The following UBE2E3 variants were observed in gnomAD, a reference collection of about 807,000 sequenced individuals.
UBE2E3 encodes the protein ubiquitin-conjugating enzyme E2 E3.
In UBE2E3, 5 loss-of-function variants were observed where a neutral mutation model predicts 23.6. The ratio of observed to expected loss-of-function variants is 0.21; its 90% confidence interval spans 0.11 to 0.44. UBE2E3 has a LOEUF of 0.44. Among genes scored for constraint, UBE2E3 ranks in the 20% least tolerant of loss-of-function variants. The pLI is 0.99. For missense variants in UBE2E3, 81 were observed against 249.8 expected (o/e 0.32, Z 4.55); for synonymous variants, 78 against 87.5 (o/e 0.89, Z 0.60).
intron 2 of UBE2E3, among the ~76,000 whole-genome samples, chr2:180,983,408 C>T (rs935166690): frequency 6.6e-6 from 1 of 152,158 alleles, no homozygotes; most frequent in African/African-American, 2.4e-5. Flanking sequence ...CAGAGAACTG[C>T]TTTTCTCCCC....
chr2:181,006,217 G>A (rs1685143028), intron 3 of UBE2E3, among the ~76,000 whole-genome samples: 1 of 152,088 alleles, frequency 6.6e-6, no homozygotes, highest in Admixed American at 6.6e-5. Context: ...CTAGAATTGA[G>A]CACAAATAGT....
intron 3 of UBE2E3, among the ~76,000 whole-genome samples, chr2:181,022,323 G>T (rs1204558311): frequency 1.3e-5 from 2 of 151,722 alleles, no homozygotes; most frequent in Admixed American, 1.3e-4. Flanking sequence ...AAACACAGTT[G>T]ATTTTCATTA....
At chr2:181,021,608 CTTCCTCCCTCT>C in intron 3 of UBE2E3, among the ~76,000 whole-genome samples, 2 of 99,742 alleles carry the variant, frequency 2.0e-5, no homozygotes, top group African/African-American at 3.5e-5. Flanking sequence ...CCCTTCCTTC[CTTCCTCCCTCT>C]CTCCCTCCCT....
intron 1 of UBE2E3, chr2:180,981,416 G>A (rs1475527822): frequency 1.3e-5 from 2 of 152,238 alleles, no homozygotes; most frequent in African/African-American, 4.8e-5. Context: ...TTCCCAGGGT[G>A]GCAGCTCGGT....
At chr2:181,015,629 TA>T (rs1685462269) in intron 3 of UBE2E3, among the ~76,000 whole-genome samples, 1 of 152,160 alleles carries the variant, frequency 6.6e-6, no homozygotes, top group Non-Finnish European at 1.5e-5. Context: ...TTAAATTTTT[TA>T]TAATAACAGA....
At chr2:180,987,769 G>T (rs192233352) in intron 3 of UBE2E3, among the ~76,000 whole-genome samples, 1 of 152,082 alleles carries the variant, frequency 6.6e-6, no homozygotes, top group Non-Finnish European at 1.5e-5. Flanking sequence ...TCTGAGGGTT[G>T]CTACCACTTT....
chr2:181,050,712 A>G (rs1165519619), intron 3 of UBE2E3, among the ~76,000 whole-genome samples: 1 of 151,862 alleles, frequency 6.6e-6, no homozygotes, highest in Non-Finnish European at 1.5e-5. Context: ...TAGGCAAGTC[A>G]CTTAACCTTT....
intron 2 of UBE2E3, among the ~76,000 whole-genome samples, chr2:180,982,955 CAT>C (rs1251554476): frequency 1.3e-5 from 2 of 152,036 alleles, no homozygotes; most frequent in East Asian, 1.9e-4. Context: ...GCAGGAGAAA[CAT>C]ATTTAATTGG....
intron 3 of UBE2E3, among the ~76,000 whole-genome samples, chr2:181,004,992 C>CA (rs1685105573): frequency 6.6e-6 from 1 of 152,196 alleles, no homozygotes; most frequent in South Asian, 2.1e-4. Flanking sequence ...GCCTATAAGA[C>CA]AAACTCAGCA....
intron 3 of UBE2E3, among the ~76,000 whole-genome samples, chr2:181,031,142 T>G (rs146257566): frequency 2.0e-5 from 3 of 152,308 alleles, no homozygotes; most frequent in Admixed American, 1.3e-4. Context: ...TTAAAAAATT[T>G]GTTAAAAATT....
At chr2:181,012,207 A>G (rs17668125) in intron 3 of UBE2E3, among the ~76,000 whole-genome samples, 35,317 of 152,062 alleles carry the variant, frequency 0.23, 4,468 homozygotes, top group Non-Finnish European at 0.28. Context: ...TACTACATTA[A>G]CAACACTGAT....
At chr2:181,024,254 A>C (rs747719678) in intron 3 of UBE2E3, among the ~76,000 whole-genome samples, 1 of 152,168 alleles carries the variant, frequency 6.6e-6, no homozygotes, top group East Asian at 1.9e-4. Context: ...AATGATTGAC[A>C]CTTTATGTGA....
At chr2:180,988,274 A>G (rs1261007965) in intron 3 of UBE2E3, among the ~76,000 whole-genome samples, 1 of 152,112 alleles carries the variant, frequency 6.6e-6, no homozygotes, top group Non-Finnish European at 1.5e-5. Context: ...CATCTTATGT[A>G]ATTTTATCTT....
intron 3 of UBE2E3, among the ~76,000 whole-genome samples, chr2:181,051,770 C>T (rs549298420): frequency 1.3e-5 from 2 of 151,910 alleles, no homozygotes; most frequent in African/African-American, 4.8e-5. Context: ...AATACTTAGT[C>T]CAACCTAATG....
intron 3 of UBE2E3, among the ~76,000 whole-genome samples, chr2:181,040,721 A>T (rs1404336117): frequency 6.6e-6 from 1 of 152,188 alleles, no homozygotes; most frequent in Non-Finnish European, 1.5e-5. Context: ...TGACAAAGGA[A>T]ATCACTTTTT....
intron 3 of UBE2E3, among the ~76,000 whole-genome samples, chr2:181,045,670 G>T (rs903406730): frequency 1.3e-5 from 2 of 152,114 alleles, no homozygotes; most frequent in South Asian, 2.1e-4. Flanking sequence ...AACTCCACAG[G>T]TGATTACATT....
At chr2:181,027,468 C>A (rs1452662928) in intron 3 of UBE2E3, among the ~76,000 whole-genome samples, 1 of 151,496 alleles carries the variant, frequency 6.6e-6, no homozygotes, top group Non-Finnish European at 1.5e-5. Context: ...TAAAAAGATC[C>A]CAGGAATTCT....
At chr2:180,991,727 T>G (rs1244840690) in intron 3 of UBE2E3, among the ~76,000 whole-genome samples, 2 of 152,218 alleles carry the variant, frequency 1.3e-5, no homozygotes, top group Admixed American at 6.5e-5. Context: ...GTTCTGCTGC[T>G]GCTGCTGTGG....
At chr2:181,019,737 G>A (rs1685613412) in intron 3 of UBE2E3, among the ~76,000 whole-genome samples, 1 of 151,868 alleles carries the variant, frequency 6.6e-6, no homozygotes, top group African/African-American at 2.4e-5. Flanking sequence ...TTGATATTTT[G>A]GTATGTATAT....
Sources: allele counts gnomAD v4.1 joint callset (sites outside exome capture counted in the v4.1 genomes callset), GRCh38; gene constraint gnomAD v4.1.1; transcripts MANE v1.5; gene names NCBI Gene and HGNC (gene_info 2026-07-23, HGNC 2026-07-21).